The following SLC22A15 variants were observed in gnomAD, a reference collection of about 807,000 sequenced individuals.
The protein encoded by SLC22A15 is solute carrier family 22 member 15, also known as flipt 1.
Under a neutral mutation model 62.7 loss-of-function variants are expected in SLC22A15, and 45 were observed. That is an observed-to-expected ratio of 0.72 (90% CI 0.56 to 0.92). SLC22A15 has a LOEUF of 0.92. Among genes scored for constraint, SLC22A15 ranks in the 40% least tolerant of loss-of-function variants. SLC22A15 has a pLI of 0.00. For missense variants in SLC22A15, 622 were observed against 665.6 expected (o/e 0.93, Z 0.72); for synonymous variants, 264 against 267.0 (o/e 0.99, Z 0.11).
chr1:116,058,306 G>A (rs1658280262), intron 8 of SLC22A15, among the ~76,000 whole-genome samples: 1 of 151,978 alleles, frequency 6.6e-6, no homozygotes, highest in Non-Finnish European at 1.5e-5. Flanking sequence ...AGTGGGCGAA[G>A]AACATGAATA....
chr1:116,043,124 A>G (rs61788487), intron 8 of SLC22A15, among the ~76,000 whole-genome samples: 1,650 of 152,352 alleles, frequency 0.011, 20 homozygotes, highest in Non-Finnish European at 0.014. Flanking sequence ...TCAATTGAAC[A>G]GTAAAATATA....
intron 2 of SLC22A15, among the ~76,000 whole-genome samples, chr1:115,992,624 C>CTTTTTTTTTTTTTTTTTTTTCT (rs11378927): frequency 7.3e-6 from 1 of 137,512 alleles, no homozygotes; most frequent in African/African-American, 2.6e-5. Context: ...TTTTTCTTTT[C>CTTTTTTTTTTTTTTTTTTTTCT]TTTTTTTTTT....
intron 2 of SLC22A15, among the ~76,000 whole-genome samples, chr1:116,018,889 A>C (rs891150285): frequency 6.6e-6 from 1 of 152,194 alleles, no homozygotes; most frequent in African/African-American, 2.4e-5. Context: ...CCTTTAACAA[A>C]TCTCTGGCTA....
chr1:116,053,868 A>G (rs1312720716), intron 8 of SLC22A15, among the ~76,000 whole-genome samples: 4 of 151,954 alleles, frequency 2.6e-5, no homozygotes, highest in Non-Finnish European at 4.4e-5. Flanking sequence ...AGATTTTGTC[A>G]CCACCAGGCC....
chr1:115,976,906 G>A (rs896935738), intron 1 of SLC22A15, among the ~76,000 whole-genome samples, 192 bp downstream of exon 1: 1 of 152,060 alleles, frequency 6.6e-6, no homozygotes, highest in East Asian at 1.9e-4. Flanking sequence ...CAGCGTCAAG[G>A]TCGCCGGCCG....
At chr1:115,989,114 TGTGTGTGTGTGTGTGTTTGTGTGG>T (rs892245845) in intron 1 of SLC22A15, among the ~76,000 whole-genome samples, 6 of 142,704 alleles carry the variant, frequency 4.2e-5, no homozygotes, top group African/African-American at 1.8e-4. Context: ...GCCTTGGATG[TGTGTGTGTGTGTGTGTTTGTGTGG>T]GTGTGTGTGC....
At chr1:116,014,371 G>A (rs977947285) in intron 2 of SLC22A15, among the ~76,000 whole-genome samples, 2 of 152,112 alleles carry the variant, frequency 1.3e-5, no homozygotes, top group South Asian at 2.1e-4. Context: ...ATGATTATAC[G>A]AGTGCTTTTA....
intron 2 of SLC22A15, among the ~76,000 whole-genome samples, chr1:116,001,218 A>G (rs957249736): frequency 6.6e-6 from 1 of 151,714 alleles, no homozygotes; most frequent in African/African-American, 2.4e-5. Context: ...GCTCCTTTAT[A>G]TGTAATTTTT....
At chr1:115,988,355 G>A (rs994422104) in intron 1 of SLC22A15, among the ~76,000 whole-genome samples, 1 of 152,102 alleles carries the variant, frequency 6.6e-6, no homozygotes, top group African/African-American at 2.4e-5. Context: ...TTTTGGGGGG[G>A]AAAGGAATAC....
chr1:116,008,169 C>A (rs1165497616), intron 2 of SLC22A15, among the ~76,000 whole-genome samples: 1 of 152,096 alleles, frequency 6.6e-6, no homozygotes, highest in East Asian at 1.9e-4. Context: ...AAGGAAGAAA[C>A]TGAGGCACAA....
chr1:116,040,495 G>A (rs1657748575), intron 8 of SLC22A15, among the ~76,000 whole-genome samples: 1 of 152,200 alleles, frequency 6.6e-6, no homozygotes, highest in South Asian at 2.1e-4. Flanking sequence ...TCTCAGATTG[G>A]TCAAGCAACA....
chr1:116,000,928 G>T (rs1343203938), intron 2 of SLC22A15, among the ~76,000 whole-genome samples: 1 of 152,002 alleles, frequency 6.6e-6, no homozygotes, highest in Non-Finnish European at 1.5e-5. Context: ...CACCATGCCC[G>T]GCCGACCTTC....
chr1:116,011,146 C>G (rs1656233322), intron 2 of SLC22A15, among the ~76,000 whole-genome samples: 1 of 152,238 alleles, frequency 6.6e-6, no homozygotes, highest in African/African-American at 2.4e-5. Context: ...CTAGGTACTA[C>G]TGTCTAAACT....
chr1:116,018,111 C>T (rs1656629577), intron 2 of SLC22A15, among the ~76,000 whole-genome samples: 2 of 152,186 alleles, frequency 1.3e-5, no homozygotes, highest in African/African-American at 2.4e-5. Context: ...CTATTCATCT[C>T]CAGGACGCTT....
chr1:116,067,019 T>C lies in SLC22A15; in HGVS notation c.1555T>C (p.Cys519Arg). The part of the protein sequence containing the change: ...LSLQALDPQQ[C>R]VDKESSLGSE... ...GCCCTTTTCTTCTTTCCTGTTTCAGTGTGTGGACAAGGAGAGCTCTTTAGG... is the reference window on the plus strand; with the variant it reads ...GCCCTTTTCTTCTTTCCTGTTTCAGCGTGTGGACAAGGAGAGCTCTTTAGG... Residue 519 changes from cysteine to arginine, a missense_variant and splice_region_variant, in exon 12 of 12, where the codon TGT becomes CGT. Transcript: ENST00000369503. 6.2e-7 allele frequency: 1 copy of C among 1,610,032 alleles called. No individual in the cohort carries two copies. Among genetic ancestry groups the C allele is most frequent in the Non-Finnish European group, 8.5e-7 (1 of 1,177,604 alleles).
chr1:116,053,248 A>C (rs1309535634), intron 8 of SLC22A15, among the ~76,000 whole-genome samples: 3 of 152,212 alleles, frequency 2.0e-5, no homozygotes, highest in East Asian at 1.9e-4. Flanking sequence ...CGAGAACCAC[A>C]TGAAGAATGC....
At position 116,031,518 on chromosome 1, in the gene SLC22A15, G is replaced by C. The variant is rs1323511522; in HGVS notation, c.881G>C (p.Ser294Thr). 1 of 1,613,884 alleles carries C rather than the reference G, an allele frequency of 6.2e-7. No individual in the cohort carries two copies. The highest frequency in any genetic ancestry group is 2.2e-5 in the East Asian group (1 of 44,896). Residue 294 changes from serine (S) to threonine (T), a missense_variant, in exon 6 of 12, where the codon AGT becomes ACT. Physicochemically the swap from Ser to Thr is moderately conservative, Grantham distance 58 (BLOSUM62 1). Coordinates refer to ENST00000369503, the MANE Select transcript of SLC22A15 (RefSeq NM_018420.3). ...AACAGGAGCTGCAGGGAGACTGGAA[G>C]TTTCCTGGATCTCTTTCGTTACCGG... ...PANRSCRETGSFLDLFRYRVL... is the reference protein window; with the variant it reads ...PANRSCRETGTFLDLFRYRVL...
chr1:116,033,942 A>C (rs1243666141), intron 6 of SLC22A15, among the ~76,000 whole-genome samples: 2 of 152,134 alleles, frequency 1.3e-5, no homozygotes, highest in African/African-American at 2.4e-5. Context: ...CTCCAGCTTG[A>C]GGGTCCCTTC....
intron 8 of SLC22A15, among the ~76,000 whole-genome samples, chr1:116,041,623 A>G (rs1054530868): frequency 1.3e-5 from 2 of 152,240 alleles, no homozygotes; most frequent in East Asian, 1.9e-4. Context: ...CCAACAAATC[A>G]TAGCATTCTT....
Sources: allele counts gnomAD v4.1 joint callset (sites outside exome capture counted in the v4.1 genomes callset), GRCh38; gene constraint gnomAD v4.1.1; transcripts MANE v1.5; gene names NCBI Gene and HGNC (gene_info 2026-07-23, HGNC 2026-07-21).